Variants in KCNH8 observed in about 807,000 individuals in gnomAD.
KCNH8 encodes the protein potassium voltage-gated channel subfamily H member 8, also known as voltage-gated delayed rectifier potassium channel KCNH8.
A neutral mutation model predicts 103.6 loss-of-function variants in KCNH8; 70 were observed. That is an observed-to-expected ratio of 0.68 (90% CI 0.56 to 0.82). The LOEUF (loss-of-function observed/expected upper bound fraction) is 0.82, where lower values mean the gene tolerates loss of function less well. Among genes scored for constraint, KCNH8 ranks in the 40% least tolerant of loss-of-function variants. The pLI is 0.00. For missense variants in KCNH8, 1,217 were observed against 1,329.9 expected (o/e 0.92, Z 1.32); for synonymous variants, 498 against 489.4 (o/e 1.02, Z -0.23).
intron 13 of KCNH8, among the ~76,000 whole-genome samples, chr3:19,515,005 A>G (rs2068850534): frequency 6.6e-6 from 1 of 151,746 alleles, no homozygotes; most frequent in Non-Finnish European, 1.5e-5. Context: ...TTAATAATAT[A>G]TTTTATTTGA....
At chr3:19,376,248 G>A (rs371717698) in intron 5 of KCNH8, among the ~76,000 whole-genome samples, 201 of 152,298 alleles carry the variant, frequency 1.3e-3, no homozygotes, top group African/African-American at 3.9e-3. Flanking sequence ...AGCAATCAGC[G>A]AGACTCTGTG....
At chr3:19,299,144 G>C (rs1429735188) in intron 3 of KCNH8, among the ~76,000 whole-genome samples, 1 of 151,954 alleles carries the variant, frequency 6.6e-6, no homozygotes, top group Non-Finnish European at 1.5e-5. Flanking sequence ...AAAGAGACTT[G>C]CTTATTTAAA....
chr3:19,201,295 C>T (rs1216664573), intron 1 of KCNH8, among the ~76,000 whole-genome samples: 4 of 136,748 alleles, frequency 2.9e-5, no homozygotes, highest in African/African-American at 5.5e-5. Flanking sequence ...CTTATATACG[C>T]TGCTAACATT....
rs558178508 is a variant in KCNH8, at chr3:19,370,212, T to A, written c.812-20269T>A. On this transcript the variant is annotated intron_variant, in intron 5 of 15. Coordinates refer to ENST00000328405, the MANE Select transcript of KCNH8 (RefSeq NM_144633.3). ...TTTTTTCTTGGCATTCCCATAACAT[T>A]CATCTCATGACTTTATAATTACCTA... Among the ~76,000 whole-genome samples the A allele has an allele frequency of 5.3e-5, 8 of 152,172 alleles. No individual in the cohort carries two copies. In the East Asian group the frequency reaches 1.5e-3, roughly 29 times the overall value.
intron 11 of KCNH8, among the ~76,000 whole-genome samples, chr3:19,459,699 CTA>C (rs1345208970): frequency 2.0e-5 from 3 of 152,046 alleles, no homozygotes; most frequent in Non-Finnish European, 4.4e-5. Flanking sequence ...GAGCTTTCCC[CTA>C]TGTTTTCTTT....
chr3:19,247,658 T>A (rs2064223505), intron 1 of KCNH8, among the ~76,000 whole-genome samples: 1 of 152,190 alleles, frequency 6.6e-6, no homozygotes, highest in South Asian at 2.1e-4. Flanking sequence ...GGATTCTTTT[T>A]AAAAAGAGAA....
intron 5 of KCNH8, among the ~76,000 whole-genome samples, chr3:19,376,185 C>T (rs1180127803): frequency 6.6e-6 from 1 of 152,236 alleles, no homozygotes; most frequent in Non-Finnish European, 1.5e-5. Flanking sequence ...ATGGCGGGCG[C>T]CCCTCCCCCA....
chr3:19,510,297 G>A, intron 11 of KCNH8, 66 bp from the exon 12 acceptor site: 1 of 949,534 alleles, frequency 1.1e-6, no homozygotes, highest in East Asian at 2.4e-5. Context: ...TCTGCCTGCT[G>A]CATTTCACCC....
Position 19,534,071 on chromosome 3 carries a change from T to G in KCNH8, c.3296T>G (p.Val1099Gly). 1 of 1,613,762 alleles carries G rather than the reference T, an allele frequency of 6.2e-7. No homozygotes were observed. Among genetic ancestry groups the G allele is most frequent in the Non-Finnish European group, 8.5e-7 (1 of 1,179,844 alleles). Residue 1099 changes from valine to glycine, a missense_variant, in exon 16 of 16, where the codon GTG becomes GGG. By Grantham distance (109) the Val-to-Gly change is moderately radical (BLOSUM62 -3). Transcript: ENST00000328405. ...PLEVVTSTAEVKDNKAINV is the reference protein window; with the variant it reads ...PLEVVTSTAEGKDNKAINV Reference sequence around the variant, plus strand: ...GAAGTTGTCACAAGCACAGCAGAAGTGAAAGATAACAAAGCCATAAATGTA... The same window carrying G: ...GAAGTTGTCACAAGCACAGCAGAAGGGAAAGATAACAAAGCCATAAATGTA...
intron 3 of KCNH8, among the ~76,000 whole-genome samples, chr3:19,298,583 G>A (rs1315319564): frequency 6.6e-6 from 1 of 152,194 alleles, no homozygotes; most frequent in African/African-American, 2.4e-5. Flanking sequence ...TCTTAAAGTT[G>A]CTGCATAAAA....
intron 2 of KCNH8, among the ~76,000 whole-genome samples, chr3:19,262,665 C>G (rs1192690874): frequency 6.6e-6 from 1 of 151,946 alleles, no homozygotes; most frequent in Non-Finnish European, 1.5e-5. Context: ...CAAGAATGTA[C>G]TTTTAAATAG....
At chr3:19,511,398 G>A (rs1268059250) in intron 12 of KCNH8, among the ~76,000 whole-genome samples, 2 of 152,124 alleles carry the variant, frequency 1.3e-5, no homozygotes, top group Non-Finnish European at 2.9e-5. Flanking sequence ...CAGGTTATTA[G>A]AGAATTCAAT....
chr3:19,169,647 T>C (rs1414393266), intron 1 of KCNH8, among the ~76,000 whole-genome samples: 1 of 152,192 alleles, frequency 6.6e-6, no homozygotes, highest in Non-Finnish European at 1.5e-5. Flanking sequence ...CTGTGTGTTA[T>C]TTCTCACCTC....
intron 5 of KCNH8, among the ~76,000 whole-genome samples, chr3:19,371,450 TG>T (rs2066094130): frequency 6.7e-6 from 1 of 149,820 alleles, no homozygotes; most frequent in Admixed American, 6.6e-5. Flanking sequence ...CACTTTTTGA[TG>T]GGGTTGTTTG....
rs115899832 is a variant in KCNH8, at chr3:19,364,837, T to C, written c.811+16872T>C. On this transcript the variant is annotated intron_variant, in intron 5 of 15. Coordinates refer to ENST00000328405, the MANE Select transcript of KCNH8 (RefSeq NM_144633.3). ...TACAAATCAACTGTCAGTTCACGTA[T>C]TGCTTCATTAGGCTTTTCAGAATTC... 2.5e-3 allele frequency among the ~76,000 whole-genome samples: 387 copies of C among 152,290 alleles called. 3 individuals are homozygous for C. Among genetic ancestry groups the C allele is most frequent in the African/African-American group, 8.7e-3 (361 of 41,570 alleles).
At chr3:19,488,553 A>C (rs1191094274) in intron 11 of KCNH8, among the ~76,000 whole-genome samples, 1 of 152,192 alleles carries the variant, frequency 6.6e-6, no homozygotes, top group African/African-American at 2.4e-5. Context: ...TACATACGGT[A>C]AGCCTCACAC....
At chr3:19,506,847 T>C (rs1279536795) in intron 11 of KCNH8, among the ~76,000 whole-genome samples, 2 of 151,948 alleles carry the variant, frequency 1.3e-5, no homozygotes, top group African/African-American at 2.4e-5. Flanking sequence ...CCCTACCTGA[T>C]AACAAGCAGG....
intron 1 of KCNH8, among the ~76,000 whole-genome samples, chr3:19,246,303 A>T (rs1451402726): frequency 1.1e-4 from 11 of 101,474 alleles, no homozygotes; most frequent in African/African-American, 3.6e-4. Flanking sequence ...TTTTTGATGG[A>T]GTCTCGCTCT....
chr3:19,520,623 G>A (rs2068956008), intron 15 of KCNH8, among the ~76,000 whole-genome samples: 1 of 151,848 alleles, frequency 6.6e-6, no homozygotes, highest in Non-Finnish European at 1.5e-5. Context: ...AGTAACATGT[G>A]TCATCATTTG....
Sources: allele counts gnomAD v4.1 joint callset (sites outside exome capture counted in the v4.1 genomes callset), GRCh38; gene constraint gnomAD v4.1.1; transcripts MANE v1.5; gene names NCBI Gene and HGNC (gene_info 2026-07-23, HGNC 2026-07-21).